The following TASP1 variants were observed in gnomAD, a reference collection of about 807,000 sequenced individuals.
The protein encoded by TASP1 is threonine aspartase 1.
In TASP1, 16 loss-of-function variants were observed where a neutral mutation model predicts 56.6. The observed-to-expected ratio is 0.28, with a 90% confidence interval of 0.19 to 0.43. The LOEUF (loss-of-function observed/expected upper bound fraction) is 0.43, where lower values mean the gene tolerates loss of function less well. TASP1 is among the 20% of genes least tolerant of loss of function. The pLI, the probability that TASP1 is intolerant of heterozygous loss-of-function variation, is 1.00. For synonymous variants in TASP1, 179 were observed against 184.2 expected (o/e 0.97, Z 0.23); for missense variants, 393 against 511.6 (o/e 0.77, Z 2.24).
At chr20:13,136,869 C>T in the TASP1 span, among the ~76,000 whole-genome samples, 1 of 151,700 alleles carries the variant, frequency 6.6e-6, no homozygotes, top group Admixed American at 6.6e-5. Flanking sequence ...AATAGTTACT[C>T]TGTTACTATT....
At chr20:13,516,903 C>T (rs992168241) in intron 10 of TASP1, among the ~76,000 whole-genome samples, 4 of 152,102 alleles carry the variant, frequency 2.6e-5, no homozygotes, top group East Asian at 1.9e-4. Flanking sequence ...AGGTTAGGGG[C>T]TGAAGACATT....
intron 4 of TASP1, among the ~76,000 whole-genome samples, chr20:13,617,861 T>C (rs1041399625): frequency 1.3e-5 from 2 of 152,092 alleles, no homozygotes; most frequent in African/African-American, 4.8e-5. Flanking sequence ...CCTTCCATCC[T>C]AGGTATGCCC....
the TASP1 span, among the ~76,000 whole-genome samples, chr20:13,248,782 G>A: frequency 3.3e-5 from 5 of 152,190 alleles, no homozygotes; most frequent in African/African-American, 1.2e-4. Flanking sequence ...TGTTCTGCAT[G>A]ACCTGCCATT....
chr20:13,360,840 C>A, the TASP1 span, among the ~76,000 whole-genome samples: 19 of 152,332 alleles, frequency 1.2e-4, no homozygotes, highest in East Asian at 3.7e-3. Context: ...ACACCTGACC[C>A]CCATGACTGT....
the TASP1 span, among the ~76,000 whole-genome samples, chr20:13,122,919 T>G: frequency 6.6e-6 from 1 of 152,214 alleles, no homozygotes; most frequent in African/African-American, 2.4e-5. Flanking sequence ...AACCTTAGAA[T>G]GTAACCCTGT....
At chr20:13,252,652 G>A in the TASP1 span, among the ~76,000 whole-genome samples, 2 of 152,140 alleles carry the variant, frequency 1.3e-5, no homozygotes, top group Non-Finnish European at 2.9e-5. Context: ...ATACTCAGGA[G>A]GCTGAGGCAG....
At chr20:13,353,848 C>T in the TASP1 span, among the ~76,000 whole-genome samples, 4 of 152,122 alleles carry the variant, frequency 2.6e-5, no homozygotes, top group South Asian at 8.3e-4. Flanking sequence ...GATCCAAAGA[C>T]CACCAGACAT....
At chr20:13,260,797 A>G in the TASP1 span, among the ~76,000 whole-genome samples, 28 of 152,178 alleles carry the variant, frequency 1.8e-4, 1 homozygote. Flanking sequence ...AACAAACCAC[A>G]CTGGGTTCAC....
the TASP1 span, among the ~76,000 whole-genome samples, chr20:13,340,313 C>A: frequency 6.6e-6 from 1 of 152,022 alleles, no homozygotes; most frequent in Admixed American, 6.6e-5. Flanking sequence ...ATTGCAACAC[C>A]GAACCAATGC....
chr20:13,105,407 A>G, the TASP1 span, among the ~76,000 whole-genome samples: 2 of 152,314 alleles, frequency 1.3e-5, no homozygotes, highest in East Asian at 3.9e-4. Context: ...TGACTTGGAA[A>G]AGACTGGGAT....
Position 13,495,131 on chromosome 20 carries a change from C to T in TASP1, c.875-11794G>A, listed in dbSNP as rs190326670. ...TAACCTATAACTACTGAGCCAGCCA[C>T]ATATATTAAATATTTAATTAATAAT... On this transcript the variant is annotated intron_variant, in intron 10 of 13. Coordinates refer to ENST00000337743, the MANE Select transcript of TASP1 (RefSeq NM_017714.3). Among the ~76,000 whole-genome samples, 84 of 152,156 alleles carry T rather than the reference C, an allele frequency of 5.5e-4. No homozygotes were observed. In the East Asian group the frequency reaches 0.013, roughly 23 times the overall value.
At chr20:13,182,614 C>G in the TASP1 span, among the ~76,000 whole-genome samples, 1 of 152,146 alleles carries the variant, frequency 6.6e-6, no homozygotes, top group Non-Finnish European at 1.5e-5. Context: ...AAATCCAATG[C>G]CAATCAATTG....
chr20:13,632,748 A>G (rs929247625), intron 1 of TASP1, among the ~76,000 whole-genome samples: 11 of 152,212 alleles, frequency 7.2e-5, no homozygotes. Flanking sequence ...TTAGAAATGA[A>G]GCAACTTCTA....
At chr20:13,393,614 C>T (rs529944547) in intron 13 of TASP1, 7 of 1,173,020 alleles carry the variant, frequency 6.0e-6, no homozygotes, top group Middle Eastern at 2.8e-4. Flanking sequence ...GGTGTGACAA[C>T]GAATTTGGCT....
Position 13,417,430 on chromosome 20 carries a change from C to G in TASP1, c.1170+18G>C, listed in dbSNP as rs755440921. 1.9e-6 allele frequency: 3 copies of G among 1,613,886 alleles called. No individual in the cohort carries two copies. The highest frequency in any genetic ancestry group is 2.2e-5 in the South Asian group (2 of 91,038). ...TGGCTACAAGGTTTTCAGGTTATGA[C>G]CGTTTTTTCCCACTTACCTTGGCTT... is the stretch of plus-strand genomic sequence containing the variant. On this transcript the variant is annotated intron_variant, in intron 13 of 13. Transcript: ENST00000337743.
At chr20:13,451,395 G>A (rs2043611798) in intron 11 of TASP1, among the ~76,000 whole-genome samples, 1 of 152,218 alleles carries the variant, frequency 6.6e-6, no homozygotes, top group East Asian at 1.9e-4. Flanking sequence ...TCCAACAGAA[G>A]GCCATTTTTG....
chr20:13,289,668 G>A, the TASP1 span, among the ~76,000 whole-genome samples: 2 of 96,632 alleles, frequency 2.1e-5, no homozygotes, highest in South Asian at 3.9e-4. Context: ...GAAGGAGGAG[G>A]AGGAGGGGGA....
At chr20:13,370,211 A>C in the TASP1 span, among the ~76,000 whole-genome samples, 1 of 152,206 alleles carries the variant, frequency 6.6e-6, no homozygotes, top group Non-Finnish European at 1.5e-5. Flanking sequence ...GGAATATATT[A>C]AATCTCAGCA....
chr20:13,328,463 C>G, the TASP1 span, among the ~76,000 whole-genome samples: 3 of 152,056 alleles, frequency 2.0e-5, no homozygotes, highest in South Asian at 6.2e-4. Context: ...TGGGTATATA[C>G]CCCCCAAAAT....
Sources: allele counts gnomAD v4.1 joint callset (sites outside exome capture counted in the v4.1 genomes callset), GRCh38; gene constraint gnomAD v4.1.1; transcripts MANE v1.5; gene names NCBI Gene and HGNC (gene_info 2026-07-23, HGNC 2026-07-21).